NPIPA5: variants seen among roughly 807,000 people sequenced by gnomAD.
The protein encoded by NPIPA5 is nuclear pore complex interacting protein family member A5.
Under a neutral mutation model 21.4 loss-of-function variants are expected in NPIPA5, and 6 were observed. That is an observed-to-expected ratio of 0.28 (90% confidence interval 0.15 to 0.55). The LOEUF (loss-of-function observed/expected upper bound fraction) is 0.55, where lower values mean the gene tolerates loss of function less well. Ranked by LOEUF, NPIPA5 falls within the 20% of genes least tolerant of loss-of-function variation. The pLI is 0.93. For missense variants in NPIPA5, 99 were observed against 318.2 expected (o/e 0.31, Z 5.24); for synonymous variants, 33 against 115.3 (o/e 0.29, Z 4.57).
At chr16:15,376,526 CAAAT>C (rs961265159) in intron 1 of NPIPA5, among the ~76,000 whole-genome samples, 22 of 147,972 alleles carry the variant, frequency 1.5e-4, no homozygotes, top group African/African-American at 4.0e-4. Flanking sequence ...GAAACTGTCT[CAAAT>C]AAATAAATAA....
chr16:15,381,573 G>C (rs536186229), upstream of NPIPA5: 25 of 153,354 alleles, frequency 1.6e-4, no homozygotes, highest in South Asian at 5.2e-3. Flanking sequence ...GTGGGCTCCG[G>C]AGCCACACTG....
intron 4 of NPIPA5, among the ~76,000 whole-genome samples, chr16:15,368,533 C>A (rs959553505): frequency 1.3e-5 from 2 of 151,528 alleles, no homozygotes; most frequent in African/African-American, 2.4e-5. Flanking sequence ...ACATGAAAGA[C>A]TGTGAAAATG....
At chr16:15,367,223 T>C (rs1050558372) in intron 4 of NPIPA5, among the ~76,000 whole-genome samples, 7 of 152,168 alleles carry the variant, frequency 4.6e-5, no homozygotes, top group African/African-American at 1.7e-4. Context: ...CAGAGGCTGA[T>C]GCCGGAACTG....
intron 4 of NPIPA5, among the ~76,000 whole-genome samples, chr16:15,368,810 C>T (rs1013669318): frequency 1.5e-5 from 2 of 133,154 alleles, no homozygotes; most frequent in Non-Finnish European, 3.2e-5. Flanking sequence ...GAAACCCTGC[C>T]TCTACTAAAA....
intron 2 of NPIPA5, among the ~76,000 whole-genome samples, chr16:15,371,530 G>A (rs957571089): frequency 6.1e-5 from 9 of 147,090 alleles, no homozygotes; most frequent in Middle Eastern, 3.5e-3. Context: ...TTCTTGAGAC[G>A]GAGTGTCAGT....
intron 2 of NPIPA5, among the ~76,000 whole-genome samples, chr16:15,371,129 TGTAA>T (rs1215440261): frequency 6.9e-6 from 1 of 144,824 alleles, no homozygotes; most frequent in African/African-American, 2.5e-5. Context: ...ATTATCATCT[TGTAA>T]GTATTTTACC....
intron 1 of NPIPA5, among the ~76,000 whole-genome samples, chr16:15,374,349 C>T (rs932066046): frequency 5.9e-5 from 9 of 151,438 alleles, no homozygotes; most frequent in Non-Finnish European, 1.2e-4. Context: ...CCGGTCTCTG[C>T]CACCATGCCT....
At chr16:15,372,054 G>A (rs1446215346) in intron 2 of NPIPA5, among the ~76,000 whole-genome samples, 1 of 148,252 alleles carries the variant, frequency 6.7e-6, no homozygotes, top group African/African-American at 2.5e-5. Flanking sequence ...ACACATGAAT[G>A]CTTCATGACA....
intron 1 of NPIPA5, among the ~76,000 whole-genome samples, chr16:15,376,094 G>A (rs1249277968): frequency 6.6e-5 from 10 of 152,120 alleles, no homozygotes; most frequent in African/African-American, 2.4e-4. Context: ...ACGGTGTTGA[G>A]CAGAATAAAG....
At chr16:15,374,512 TTTG>T (rs1448724387) in intron 1 of NPIPA5, among the ~76,000 whole-genome samples, 1 of 148,806 alleles carries the variant, frequency 6.7e-6, no homozygotes, top group Non-Finnish European at 1.5e-5. Flanking sequence ...TTTGTTTTTG[TTTG>T]TTGTTTGTTT....
intron 1 of NPIPA5, among the ~76,000 whole-genome samples, chr16:15,377,754 C>T (rs1157283780): frequency 2.1e-5 from 3 of 145,108 alleles, no homozygotes; most frequent in East Asian, 2.1e-4. Flanking sequence ...GGAAAGGATC[C>T]GGTTCAAATT....
chr16:15,380,064 A>T (rs1190191165), upstream of NPIPA5, among the ~76,000 whole-genome samples: 1 of 151,886 alleles, frequency 6.6e-6, no homozygotes, highest in Admixed American at 6.6e-5. Context: ...ATCATTTTAA[A>T]AGACAAGATA....
At chr16:15,378,942 C>T (rs1180996205), upstream of NPIPA5, among the ~76,000 whole-genome samples, 28 of 138,486 alleles carry the variant, frequency 2.0e-4, no homozygotes, top group South Asian at 5.1e-4. Context: ...CCCACAATAC[C>T]CAGAGGGCTT....
chr16:15,376,656 C>A (rs1163367698), intron 1 of NPIPA5, among the ~76,000 whole-genome samples: 1 of 151,984 alleles, frequency 6.6e-6, no homozygotes, highest in Non-Finnish European at 1.5e-5. Context: ...CGGTGGCTCA[C>A]GCCTGTAATC....
chr16:15,376,356 C>G (rs945662442), intron 1 of NPIPA5, among the ~76,000 whole-genome samples: 4 of 143,888 alleles, frequency 2.8e-5, no homozygotes, highest in Non-Finnish European at 6.2e-5. Flanking sequence ...TGGAGAAACC[C>G]TATCTCTACT....
chr16:15,369,225 G>A (rs1271523383), intron 4 of NPIPA5, among the ~76,000 whole-genome samples: 2 of 148,654 alleles, frequency 1.3e-5, no homozygotes, highest in African/African-American at 4.9e-5. Context: ...GGAGGCTGAG[G>A]CGGGTGGATT....
intron 2 of NPIPA5, among the ~76,000 whole-genome samples, chr16:15,372,087 G>A (rs2050170197): frequency 6.7e-6 from 1 of 148,800 alleles, no homozygotes; most frequent in Non-Finnish European, 1.5e-5. Context: ...CTGCTTAGGA[G>A]GTAATGACTA....
chr16:15,368,567 G>T lies in NPIPA5; in HGVS notation c.437+1145C>A, dbSNP rs1024981226. Among the ~76,000 whole-genome samples the T allele has an allele frequency of 5.6e-3, 851 of 150,998 alleles. 16 individuals are homozygous for T. The highest frequency in any genetic ancestry group is 0.02 in the African/African-American group (812 of 41,218). On this transcript the variant is annotated intron_variant, in intron 4 of 7. Transcript: ENST00000360151. Reference sequence around the variant, plus strand: ...TGAATCTGGAGGTGACCCAAGCATTGAATTCAACAATCCAGGCTGGGTGCG... The same window carrying T: ...TGAATCTGGAGGTGACCCAAGCATTTAATTCAACAATCCAGGCTGGGTGCG...
intron 2 of NPIPA5, among the ~76,000 whole-genome samples, chr16:15,370,778 C>T (rs1356303436): frequency 2.8e-5 from 4 of 144,896 alleles, no homozygotes; most frequent in East Asian, 2.1e-4. Context: ...AGGCCAGGTG[C>T]GGTAGCTCAC....
Sources: allele counts gnomAD v4.1 joint callset (sites outside exome capture counted in the v4.1 genomes callset), GRCh38; gene constraint gnomAD v4.1.1; transcripts MANE v1.5; gene names NCBI Gene and HGNC (gene_info 2026-07-23, HGNC 2026-07-21).